E2F5: variants seen among roughly 807,000 people sequenced by gnomAD.
E2F5 encodes the protein transcription factor E2F5.
In E2F5, 23 loss-of-function variants were observed where a neutral mutation model predicts 39.1. The observed-to-expected ratio is 0.59, with a 90% confidence interval of 0.42 to 0.83. The LOEUF (loss-of-function observed/expected upper bound fraction) is 0.83. Among genes scored for constraint, E2F5 ranks in the 40% least tolerant of loss-of-function variants. The probability of loss-of-function intolerance (pLI) is 0.00; values close to 1 mark genes in which losing one functional copy is unlikely to be tolerated. For missense variants in E2F5, 365 were observed against 406.7 expected (o/e 0.90, Z 0.88); for synonymous variants, 145 against 157.8 (o/e 0.92, Z 0.61).
chr8:85,207,515 T>G (rs983822923), intron 5 of E2F5, 26 bp downstream of exon 5: 67 of 1,528,870 alleles, frequency 4.4e-5, no homozygotes, highest in Non-Finnish European at 5.9e-5. Flanking sequence ...TATGTTTATA[T>G]AAGTGGGAAA....
At chr8:85,207,589 C>A in intron 5 of E2F5, 100 bp downstream of exon 5, 1 of 929,672 alleles carries the variant, frequency 1.1e-6, no homozygotes, top group Non-Finnish European at 1.6e-6. Context: ...TGTGTAAACA[C>A]TGTGAGTTAG....
At chr8:85,179,143 A>G (rs1812147853) in intron 1 of E2F5, among the ~76,000 whole-genome samples, 1 of 152,230 alleles carries the variant, frequency 6.6e-6, no homozygotes, top group African/African-American at 2.4e-5. Flanking sequence ...ACAGGAAGTC[A>G]TGAAGTTATC....
intron 1 of E2F5, among the ~76,000 whole-genome samples, chr8:85,183,821 C>T (rs1033930575): frequency 6.6e-6 from 1 of 152,140 alleles, no homozygotes; most frequent in Non-Finnish European, 1.5e-5. Context: ...ATGTTGAAGG[C>T]CTTACCTCCA....
intron 6 of E2F5, among the ~76,000 whole-genome samples, chr8:85,210,525 A>G (rs1016025760): frequency 5.3e-5 from 8 of 152,116 alleles, no homozygotes; most frequent in Admixed American, 5.2e-4. Flanking sequence ...ACTAAAAAAT[A>G]CAAAAATTAG....
intron 4 of E2F5, among the ~76,000 whole-genome samples, chr8:85,206,697 G>C (rs563714226): frequency 2.9e-4 from 44 of 152,180 alleles, no homozygotes; most frequent in Non-Finnish European, 5.4e-4. Flanking sequence ...TGCTGCCCCT[G>C]TGTTTTCTCC....
intron 4 of E2F5, 124 bp downstream of exon 4, chr8:85,206,344 C>G: frequency 1.1e-6 from 1 of 908,484 alleles, no homozygotes; most frequent in Non-Finnish European, 1.7e-6. Flanking sequence ...GTGTCTCACT[C>G]CACCATGCCG....
intron 1 of E2F5, among the ~76,000 whole-genome samples, chr8:85,194,920 A>G (rs1264150709): frequency 6.6e-6 from 1 of 151,940 alleles, no homozygotes; most frequent in African/African-American, 2.4e-5. Flanking sequence ...ACACTCTTCT[A>G]TTTCAAATAT....
chr8:85,185,196 G>A (rs1027629374), intron 1 of E2F5, among the ~76,000 whole-genome samples: 1 of 151,918 alleles, frequency 6.6e-6, no homozygotes, highest in African/African-American at 2.4e-5. Context: ...CAGAGGCCTC[G>A]GAAATAAACA....
intron 1 of E2F5, among the ~76,000 whole-genome samples, chr8:85,195,820 A>C (rs1414702185): frequency 6.6e-6 from 1 of 152,144 alleles, no homozygotes; most frequent in Non-Finnish European, 1.5e-5. Flanking sequence ...TATGCAATTG[A>C]AAATGTAGGC....
At chr8:85,196,430 C>G (rs1000042933) in intron 1 of E2F5, among the ~76,000 whole-genome samples, 1 of 152,058 alleles carries the variant, frequency 6.6e-6, no homozygotes, top group Non-Finnish European at 1.5e-5. Flanking sequence ...TTTTTTGTTA[C>G]TGTTTATTAT....
In E2F5 at chr8:85,214,225, A is replaced by G. The variant is rs1231731511; in HGVS notation, c.*363A>G. 1.8e-6 allele frequency: 1 copy of G among 543,054 alleles called. No individual in the cohort carries two copies. Among genetic ancestry groups the G allele is most frequent in the East Asian group, 4.6e-5 (1 of 21,616 alleles). 33.6% of individuals were successfully genotyped at this position (543,054 alleles called of 1,614,324 possible). The stretch of plus-strand genomic sequence containing the variant: ...TGGCCAAGGACTCATTACTTGTCTT[A>G]TATTTTTACTGCCACTAAACTGCCT... On this transcript the variant is annotated 3_prime_UTR_variant, in exon 8 of 8. Coordinates refer to ENST00000416274, the MANE Select transcript of E2F5 (RefSeq NM_001951.4).
At chr8:85,207,334 C>A in intron 4 of E2F5, 91 bp from the exon 5 acceptor site, 2 of 1,147,104 alleles carry the variant, frequency 1.7e-6, no homozygotes, top group Non-Finnish European at 2.5e-6. Flanking sequence ...GGGATTGAAC[C>A]AAACACTCTG....
intron 1 of E2F5, among the ~76,000 whole-genome samples, chr8:85,196,769 G>T (rs1466477065): frequency 3.9e-5 from 6 of 152,178 alleles, no homozygotes; most frequent in African/African-American, 1.4e-4. Context: ...TAATGTCTCT[G>T]TAAGATTCTA....
At chr8:85,205,229 T>TCCCCA (rs1187725440) in intron 3 of E2F5, among the ~76,000 whole-genome samples, 4 of 149,118 alleles carry the variant, frequency 2.7e-5, no homozygotes, top group African/African-American at 9.8e-5. Flanking sequence ...CGTAGTGTTC[T>TCCCCA]CCCCACCCTG....
intron 1 of E2F5, among the ~76,000 whole-genome samples, chr8:85,198,061 G>T (rs1812617866): frequency 6.6e-6 from 1 of 152,120 alleles, no homozygotes; most frequent in Non-Finnish European, 1.5e-5. Flanking sequence ...GCTGATGAGA[G>T]AATAAAAATC....
intron 1 of E2F5, among the ~76,000 whole-genome samples, chr8:85,199,122 G>A (rs1036606899): frequency 2.4e-4 from 37 of 151,840 alleles, no homozygotes; most frequent in African/African-American, 8.7e-4. Context: ...TATTGCCATC[G>A]CCATCTTGTT....
At chr8:85,211,763 A>G (rs1004230751) in intron 6 of E2F5, among the ~76,000 whole-genome samples, 1 of 140,850 alleles carries the variant, frequency 7.1e-6, no homozygotes, top group Non-Finnish European at 1.5e-5. Flanking sequence ...TCAGTCTCCC[A>G]AGTAGTTGGG....
Position 85,203,165 on chromosome 8 carries a change from A to T in E2F5, c.416A>T (p.Asp139Val), listed in dbSNP as rs771857458. The stretch of plus-strand genomic sequence containing the variant: ...AGATATCTTAAAGCTGAAATTGAAG[A>T]TCTAGAACTGAAGGAAAGAGAACTT... The part of the protein sequence containing the change: ...RLRYLKAEIE[D>V]LELKERELDQ... Residue 139 changes from aspartate (D) to valine (V), a missense_variant, in exon 3 of 8, where the codon GAT (aspartate) becomes GTT (valine). Transcript: ENST00000416274. 8 of 1,607,458 alleles carry T rather than the reference A, an allele frequency of 5.0e-6. No individual in the cohort carries two copies. The highest frequency in any genetic ancestry group is 4.2e-6 in the Non-Finnish European group (5 of 1,176,640).
At chr8:85,178,268 G>T (rs762748241) in intron 1 of E2F5, 2 of 152,122 alleles carry the variant, frequency 1.3e-5, no homozygotes, top group Non-Finnish European at 2.9e-5. Context: ...AGTTAGGAGG[G>T]GTATTTGATT....
Sources: allele counts gnomAD v4.1 joint callset (sites outside exome capture counted in the v4.1 genomes callset), GRCh38; gene constraint gnomAD v4.1.1; transcripts MANE v1.5; gene names NCBI Gene and HGNC (gene_info 2026-07-23, HGNC 2026-07-21).